DLGAP2: variants seen among roughly 807,000 people sequenced by gnomAD.
DLGAP2 encodes the protein DLG associated protein 2, also known as disks large-associated protein 2.
DLGAP2 carries 26 observed loss-of-function variants against 100.3 expected under a neutral mutation model. The observed-to-expected ratio is 0.26, with a 90% CI of 0.19 to 0.36. DLGAP2 has a LOEUF of 0.36. Ranked by LOEUF, DLGAP2 falls within the 10% of genes least tolerant of loss-of-function variation. DLGAP2 has a pLI of 1.00. For missense variants in DLGAP2, 1,858 were observed against 1,453.2 expected (o/e 1.28, Z -4.53); for synonymous variants, 886 against 630.1 (o/e 1.41, Z -6.08).
intron 3 of DLGAP2, among the ~76,000 whole-genome samples, chr8:1,268,196 T>C (rs1215852833): frequency 1.3e-5 from 2 of 152,168 alleles, no homozygotes; most frequent in African/African-American, 2.4e-5. Flanking sequence ...ACCTCCATGA[T>C]AGTCTCAGGA....
At chr8:794,485 A>T (rs746057095) in intron 1 of DLGAP2, among the ~76,000 whole-genome samples, 5 of 152,232 alleles carry the variant, frequency 3.3e-5, no homozygotes, top group Non-Finnish European at 7.3e-5. Flanking sequence ...CCCTTATGAG[A>T]AATGAAGGGG....
chr8:1,037,227 G>T (rs778106935), intron 2 of DLGAP2, among the ~76,000 whole-genome samples: 16 of 151,962 alleles, frequency 1.1e-4, no homozygotes, highest in Non-Finnish European at 2.2e-4. Flanking sequence ...CGGCCCGAGC[G>T]CCCCGAGCTT....
At chr8:1,107,058 A>G (rs1229020398) in intron 2 of DLGAP2, among the ~76,000 whole-genome samples, 1 of 152,164 alleles carries the variant, frequency 6.6e-6, no homozygotes, top group Non-Finnish European at 1.5e-5. Flanking sequence ...CTGACAATGC[A>G]TTTCCCATTC....
At chr8:1,265,943 A>G (rs1041854260) in intron 3 of DLGAP2, among the ~76,000 whole-genome samples, 1 of 152,252 alleles carries the variant, frequency 6.6e-6, no homozygotes. Flanking sequence ...TCATTGTTTA[A>G]TGATAAACGG....
intron 3 of DLGAP2, among the ~76,000 whole-genome samples, chr8:1,391,034 C>T (rs534391241): frequency 2.6e-5 from 4 of 152,304 alleles, no homozygotes; most frequent in East Asian, 1.9e-4. Flanking sequence ...ATCTGGAACA[C>T]GTGCCTTGGG....
At chr8:1,441,282 G>C (rs543506790) in intron 3 of DLGAP2, among the ~76,000 whole-genome samples, 1 of 152,050 alleles carries the variant, frequency 6.6e-6, no homozygotes, top group Non-Finnish European at 1.5e-5. Flanking sequence ...TTTTAAAATT[G>C]CATAAAATTA....
At chr8:1,277,261 A>G (rs1799717017) in intron 3 of DLGAP2, among the ~76,000 whole-genome samples, 2 of 152,214 alleles carry the variant, frequency 1.3e-5, no homozygotes, top group South Asian at 4.1e-4. Context: ...CTGAAGTGGC[A>G]GACGTATATC....
chr8:1,050,023 C>T (rs565106754), intron 2 of DLGAP2, among the ~76,000 whole-genome samples: 31 of 152,158 alleles, frequency 2.0e-4, no homozygotes, highest in East Asian at 3.9e-4. Flanking sequence ...TACACACATG[C>T]GGATATGTGT....
At chr8:1,332,628 C>T (rs1379841340) in intron 3 of DLGAP2, among the ~76,000 whole-genome samples, 1 of 152,200 alleles carries the variant, frequency 6.6e-6, no homozygotes, top group Non-Finnish European at 1.5e-5. Context: ...CCCTCCAGGT[C>T]ACACGTCTAA....
At chr8:1,121,729 A>G (rs971357886) in intron 2 of DLGAP2, among the ~76,000 whole-genome samples, 5 of 85,464 alleles carry the variant, frequency 5.9e-5, no homozygotes, top group Non-Finnish European at 1.4e-4. Context: ...TCCCTTTAGA[A>G]CCCACAACCA....
chr8:1,600,609 T>C (rs993034029), intron 6 of DLGAP2, among the ~76,000 whole-genome samples: 1 of 152,230 alleles, frequency 6.6e-6, no homozygotes, highest in African/African-American at 2.4e-5. Flanking sequence ...CTTCACACTT[T>C]ATTTTAATAA....
intron 8 of DLGAP2, among the ~76,000 whole-genome samples, chr8:1,666,080 G>A (rs550016541): frequency 5.3e-5 from 8 of 152,276 alleles, no homozygotes; most frequent in East Asian, 1.9e-4. Flanking sequence ...CCGGAAAAAC[G>A]AAATATTTCC....
intron 1 of DLGAP2, among the ~76,000 whole-genome samples, chr8:823,833 G>C (rs1796633417): frequency 6.6e-6 from 1 of 152,324 alleles, no homozygotes; most frequent in Admixed American, 6.5e-5. Context: ...GGGAGGTCAA[G>C]AGTCTGCGGC....
chr8:817,272 C>T (rs987415178), intron 1 of DLGAP2, among the ~76,000 whole-genome samples: 3 of 152,220 alleles, frequency 2.0e-5, no homozygotes, highest in Non-Finnish European at 2.9e-5. Flanking sequence ...CTTTCCAGTG[C>T]ATTTTGCATT....
chr8:1,324,042 TGCTGTGATATCCAACCGGAAAGGCTGAA>T (rs1332818896), intron 3 of DLGAP2, among the ~76,000 whole-genome samples: 1 of 152,232 alleles, frequency 6.6e-6, no homozygotes, highest in Non-Finnish European at 1.5e-5. Flanking sequence ...GCGTCTGGTC[TGCTGTGATATCCAACCGGAAAGGCTGAA>T]GCTATGTCTC....
intron 1 of DLGAP2, among the ~76,000 whole-genome samples, chr8:818,726 A>G (rs1318587876): frequency 6.6e-6 from 1 of 152,258 alleles, no homozygotes; most frequent in East Asian, 1.9e-4. Context: ...GGCAAGATTT[A>G]TAAAGAAAAT....
chr8:1,614,694 A>G (rs1258275230), intron 6 of DLGAP2, among the ~76,000 whole-genome samples: 1 of 152,248 alleles, frequency 6.6e-6, no homozygotes, highest in African/African-American at 2.4e-5. Flanking sequence ...CAGGTTGGCC[A>G]AGCCAAGGAC....
intron 2 of DLGAP2, among the ~76,000 whole-genome samples, chr8:1,178,295 T>G (rs546290260): frequency 6.6e-6 from 1 of 152,294 alleles, no homozygotes; most frequent in Admixed American, 6.5e-5. Flanking sequence ...ATTGTTCTTT[T>G]CTCATTTGGG....
At chr8:861,474 G>C (rs1797389675) in intron 1 of DLGAP2, among the ~76,000 whole-genome samples, 1 of 152,116 alleles carries the variant, frequency 6.6e-6, no homozygotes. Flanking sequence ...GAAACCAAGA[G>C]ACCAAACATT....
Sources: gnomAD v4.1 joint callset for allele counts (sites outside exome capture counted in the v4.1 genomes callset) on GRCh38, gnomAD v4.1.1 for gene constraint, MANE v1.5 for transcripts, NCBI Gene and HGNC (gene_info 2026-07-23, HGNC 2026-07-21) for gene names.